The following PDZRN3 variants were observed in gnomAD, a reference collection of about 807,000 sequenced individuals.
PDZRN3 encodes the protein PDZ domain containing ring finger 3.
PDZRN3 carries 38 observed loss-of-function variants against 85.7 expected under a neutral mutation model. The ratio of observed to expected loss-of-function variants is 0.44; its 90% CI spans 0.34 to 0.58. PDZRN3 has a LOEUF of 0.58. Among genes scored for constraint, PDZRN3 ranks in the 20% least tolerant of loss-of-function variants. The pLI is 0.01. For synonymous variants in PDZRN3, 759 were observed against 638.0 expected (o/e 1.19, Z -2.86); for missense variants, 1,629 against 1,506.4 (o/e 1.08, Z -1.35).
At chr3:73,530,845 T>C (rs551070401) in intron 3 of PDZRN3, among the ~76,000 whole-genome samples, 112 of 152,332 alleles carry the variant, frequency 7.4e-4, no homozygotes, top group Non-Finnish European at 1.2e-4. Context: ...TGTTACTTTG[T>C]TGTGACAAAT....
chr3:73,451,241 T>G (rs1192217032), intron 3 of PDZRN3, among the ~76,000 whole-genome samples: 1 of 152,166 alleles, frequency 6.6e-6, no homozygotes, highest in Non-Finnish European at 1.5e-5. Flanking sequence ...AATGGTGTCT[T>G]TCAGGGCAAG....
rs1703241933 is a variant in PDZRN3 at position 73,467,384 on chromosome 3, GACAA to G, written c.919-62993_919-62990del. On this transcript the variant is annotated intron_variant, in intron 3 of 9. Coordinates refer to ENST00000263666, the MANE Select transcript of PDZRN3 (RefSeq NM_015009.3). ...TGACACACACGCTCAAATACAAAAG[GACAA>G]ATATTTGTTTCTCCAATTAGATTAG... Among the ~76,000 whole-genome samples, 3 of 152,284 alleles carry G rather than the reference GACAA, an allele frequency of 2.0e-5. No homozygotes were observed. In the South Asian group the frequency reaches 6.2e-4, roughly 32 times the overall value.
chr3:73,542,285 G>A (rs1704941967), intron 3 of PDZRN3, among the ~76,000 whole-genome samples: 1 of 152,154 alleles, frequency 6.6e-6, no homozygotes, highest in African/African-American at 2.4e-5. Context: ...ACCAGCACCT[G>A]GGCAAGAATA....
intron 3 of PDZRN3, among the ~76,000 whole-genome samples, chr3:73,519,400 A>G (rs1016127376): frequency 6.6e-6 from 1 of 152,222 alleles, no homozygotes; most frequent in Non-Finnish European, 1.5e-5. Context: ...TAGAGTCTAA[A>G]AGCGATATAT....
chr3:73,544,961 A>G (rs1289300075), intron 3 of PDZRN3, among the ~76,000 whole-genome samples: 2 of 152,198 alleles, frequency 1.3e-5, no homozygotes, highest in Non-Finnish European at 2.9e-5. Context: ...TCTCCAATGC[A>G]TGCACACATA....
chr3:73,603,281 T>A (rs541007371), intron 2 of PDZRN3, among the ~76,000 whole-genome samples: 2 of 152,228 alleles, frequency 1.3e-5, no homozygotes, highest in African/African-American at 4.8e-5. Flanking sequence ...CTTGAATCTC[T>A]TTAGATCTTT....
intron 3 of PDZRN3, among the ~76,000 whole-genome samples, chr3:73,446,783 A>G (rs907476553): frequency 3.3e-5 from 5 of 151,962 alleles, no homozygotes; most frequent in African/African-American, 1.2e-4. Context: ...CGAATTGAGG[A>G]CCTTTTCTTC....
intron 5 of PDZRN3, among the ~76,000 whole-genome samples, chr3:73,399,414 C>A (rs1416915532): frequency 6.6e-6 from 1 of 152,140 alleles, no homozygotes; most frequent in African/African-American, 2.4e-5. Flanking sequence ...TCTGCCCACT[C>A]CCCCAGGGGA....
At chr3:73,398,537 C>T (rs1210078544) in intron 5 of PDZRN3, among the ~76,000 whole-genome samples, 2 of 152,172 alleles carry the variant, frequency 1.3e-5, no homozygotes, top group Non-Finnish European at 2.9e-5. Flanking sequence ...TTTGACCAGC[C>T]AGGCTGCTGG....
At chr3:73,466,558 A>G (rs575123148) in intron 3 of PDZRN3, among the ~76,000 whole-genome samples, 1 of 152,226 alleles carries the variant, frequency 6.6e-6, no homozygotes, top group Non-Finnish European at 1.5e-5. Flanking sequence ...ATCCTTAGTG[A>G]GTCTATTCAG....
chr3:73,462,848 T>C (rs1703137202), intron 3 of PDZRN3, among the ~76,000 whole-genome samples: 1 of 152,178 alleles, frequency 6.6e-6, no homozygotes, highest in East Asian at 1.9e-4. Flanking sequence ...CCTTAAGTCT[T>C]ATTGGCCCAC....
intron 3 of PDZRN3, among the ~76,000 whole-genome samples, chr3:73,489,223 T>C (rs1391791604): frequency 6.6e-6 from 1 of 152,172 alleles, no homozygotes; most frequent in African/African-American, 2.4e-5. Flanking sequence ...TGGCATTAAA[T>C]AGCAAATAGC....
At chr3:73,549,126 A>T (rs1426360831) in intron 3 of PDZRN3, among the ~76,000 whole-genome samples, 1 of 152,236 alleles carries the variant, frequency 6.6e-6, no homozygotes, top group Non-Finnish European at 1.5e-5. Context: ...AATTATACAG[A>T]GGCTGCACTT....
intron 3 of PDZRN3, among the ~76,000 whole-genome samples, chr3:73,509,283 G>A (rs1023039241): frequency 6.6e-6 from 1 of 152,142 alleles, no homozygotes; most frequent in African/African-American, 2.4e-5. Flanking sequence ...ATGGTCTCAG[G>A]GCAACACGCT....
At chr3:73,617,231 G>C (rs147901172) in intron 1 of PDZRN3, among the ~76,000 whole-genome samples, 3 of 152,202 alleles carry the variant, frequency 2.0e-5, no homozygotes, top group African/African-American at 7.2e-5. Flanking sequence ...AGATTACGCG[G>C]TGCCTCTGCT....
At position 73,579,622 on chromosome 3, in the gene PDZRN3, G is replaced by A. The variant is rs147882287; in HGVS notation, c.918+22732C>T. ...AATTAGCCCACATTTGTAAATGACA[G>A]GGACTACACTTTAAAGAGCTTTTCT... On this transcript the variant is annotated intron_variant, in intron 3 of 9. Coordinates refer to ENST00000263666, the MANE Select transcript of PDZRN3 (RefSeq NM_015009.3). 7.1e-3 allele frequency among the ~76,000 whole-genome samples: 1,077 copies of A among 152,262 alleles called. 44 individuals carry two copies. The highest frequency in any genetic ancestry group is 0.065 in the Admixed American group (989 of 15,280).
At chr3:73,401,416 T>G (rs570281056) in intron 4 of PDZRN3, among the ~76,000 whole-genome samples, 1 of 152,300 alleles carries the variant, frequency 6.6e-6, no homozygotes, top group South Asian at 2.1e-4. Context: ...GGCAACAGTC[T>G]AAGATATGTG....
At chr3:73,446,850 T>A (rs893198953) in intron 3 of PDZRN3, among the ~76,000 whole-genome samples, 4 of 151,962 alleles carry the variant, frequency 2.6e-5, no homozygotes, top group African/African-American at 9.7e-5. Context: ...GGTTTTCATG[T>A]CTTACCCTCG....
chr3:73,429,099 T>C (rs1275326277), intron 3 of PDZRN3, among the ~76,000 whole-genome samples: 4 of 152,056 alleles, frequency 2.6e-5, no homozygotes, highest in Non-Finnish European at 1.5e-5. Flanking sequence ...TTTGTAGCGA[T>C]GGGATCTCAT....
Sources: gnomAD v4.1 joint callset for allele counts (sites outside exome capture counted in the v4.1 genomes callset) on GRCh38, gnomAD v4.1.1 for gene constraint, MANE v1.5 for transcripts, NCBI Gene and HGNC (gene_info 2026-07-23, HGNC 2026-07-21) for gene names.